Variants in FXR2 observed in about 807,000 individuals in gnomAD.
FXR2 encodes the protein RNA-binding protein FXR2.
In FXR2, 9 loss-of-function variants were observed where a neutral mutation model predicts 87.3. That is an observed-to-expected ratio of 0.10 (90% CI 0.06 to 0.18). The LOEUF (loss-of-function observed/expected upper bound fraction) is 0.18, where lower values mean the gene tolerates loss of function less well. FXR2 is among the 10% of genes least tolerant of loss of function. The pLI, the probability that FXR2 is intolerant of heterozygous loss-of-function variation, is 1.00. For synonymous variants in FXR2, 331 were observed against 328.3 expected, an observed-to-expected ratio of 1.01 and a Z score of -0.09; for missense variants, 661 against 893.6, an observed-to-expected ratio of 0.74 and a Z score of 3.32.
At position 7,591,863 on chromosome 17, in the gene FXR2, C is replaced by T. The variant is rs769123636; in HGVS notation, c.1989G>A (p.Leu663=). 3.1e-6 allele frequency: 5 copies of T among 1,603,414 alleles called. No individual in the cohort carries two copies. In the South Asian group the frequency reaches 5.5e-5, roughly 18 times the overall value. Residue 663 remains leucine, a synonymous_variant, in exon 17 of 17, where the codon TTG becomes TTA. Transcript: ENST00000250113. This position sits in a 1 kb window ranked among gnomAD's most constrained non-coding sequence, Gnocchi z 4.0. ...PSENGELSAP[L]ELGSMVNGVS ...CCCCATTCACCATACTACCCAACTCCAAGGGGGCGGAGAGCTCCCCATTCT... is the reference window on the plus strand; with the variant it reads ...CCCCATTCACCATACTACCCAACTCTAAGGGGGCGGAGAGCTCCCCATTCT...
chr17:7,604,169 C>A, intron 3 of FXR2, 89 bp from the exon 4 acceptor site: 2 of 965,274 alleles, frequency 2.1e-6, no homozygotes, highest in South Asian at 2.8e-5. Flanking sequence ...GTGGGGCTCA[C>A]ACCTGTAATC....
chr17:7,604,237 G>A (rs2071783396), intron 3 of FXR2, among the ~76,000 whole-genome samples, 157 bp from the exon 4 acceptor site: 1 of 152,072 alleles, frequency 6.6e-6, no homozygotes, highest in African/African-American at 2.4e-5. Context: ...TTCAAGACCA[G>A]CTTGGGCAAC....
In FXR2 at chr17:7,593,642, T is replaced by C; in HGVS notation, c.1108-17A>G. On this transcript the variant is annotated splice_polypyrimidine_tract_variant and intron_variant, in intron 11 of 16. Transcript: ENST00000250113. This position sits in a 1 kb window ranked among gnomAD's most constrained non-coding sequence, Gnocchi z 6.1. ...CTCTACCTCCTGGTTGGGTAAAAGA[T>C]GGAAGAAGGGGAAGGAGAAATAAGA... 6.6e-7 allele frequency: 1 copy of C among 1,520,970 alleles called. No homozygotes were observed. Among genetic ancestry groups the C allele is most frequent in the Non-Finnish European group, 9.0e-7 (1 of 1,116,360 alleles). 94.2% of individuals were successfully genotyped at this position (1,520,970 alleles called of 1,614,324 possible).
chr17:7,605,528 T>C (rs1442406252), intron 3 of FXR2, 117 bp downstream of exon 3: 16 of 616,580 alleles, frequency 2.6e-5, no homozygotes, highest in Non-Finnish European at 4.1e-5. Context: ...TACATTTCCA[T>C]AGGCTACATG....
Position 7,609,930 on chromosome 17 carries a change from GTA to G in FXR2, c.82-3783_82-3782del, listed in dbSNP as rs1162446541. ...TATATATGTATATATACATGTATAT[GTA>G]TATATATACATGTATATGTATACAT... On this transcript the variant is annotated intron_variant, in intron 1 of 16. Transcript: ENST00000250113. 5.7e-4 allele frequency among the ~76,000 whole-genome samples: 45 copies of G among 78,858 alleles called. 1 individual carries two copies. The highest frequency in any genetic ancestry group is 1.9e-3 in the East Asian group (4 of 2,140). 51.7% of individuals were successfully genotyped at this position (78,858 alleles called of 152,430 possible). A position where few individuals can be genotyped will look rare whatever the true frequency, so the allele number is the denominator to read the frequency against.
At chr17:7,609,921 C>CATGTAT (rs1186706479) in intron 1 of FXR2, among the ~76,000 whole-genome samples, 67 of 130,524 alleles carry the variant, frequency 5.1e-4, no homozygotes, top group Admixed American at 3.4e-3. Context: ...TGTATATATA[C>CATGTAT]ATGTATATGT....
Position 7,595,814 on chromosome 17 carries a change from C to T in FXR2, c.831+10G>A. On this transcript the variant is annotated intron_variant, in intron 8 of 16. Coordinates refer to ENST00000250113, the MANE Select transcript of FXR2 (RefSeq NM_004860.4). This position sits in a 1 kb window ranked among gnomAD's most constrained non-coding sequence, Gnocchi z 4.7. ...CTAAGAGACCCAGAAGAAAGACATCCTTTGCTGACCTCCCCATAGATGCGG... is the reference window on the plus strand; with the variant it reads ...CTAAGAGACCCAGAAGAAAGACATCTTTTGCTGACCTCCCCATAGATGCGG... 1 of 1,610,634 alleles carries T rather than the reference C, an allele frequency of 6.2e-7. No homozygotes were observed. Among genetic ancestry groups the T allele is most frequent in the Non-Finnish European group, 8.5e-7 (1 of 1,177,218 alleles).
chr17:7,614,182 G>C (rs886461066), intron 1 of FXR2: 12 of 663,034 alleles, frequency 1.8e-5, no homozygotes, highest in African/African-American at 3.5e-5. Flanking sequence ...TGCGGAGCGG[G>C]GAGCGCCAAG....
In FXR2 at chr17:7,594,760, A is replaced by G. The variant is rs1468867108; in HGVS notation, c.832-3T>C. The G allele has an allele frequency of 2.5e-6, 4 of 1,599,142 alleles. No individual in the cohort carries two copies. Among genetic ancestry groups the G allele is most frequent in the Non-Finnish European group, 3.4e-6 (4 of 1,166,514 alleles). ...GCCTGTCGGCAAGCCTCGGGAGTCT[A>G]AAGGAAGAACAGCAGGGAGTTGTTA... is the stretch of plus-strand genomic sequence containing the variant. On this transcript the variant is annotated splice_polypyrimidine_tract_variant and splice_region_variant and intron_variant, in intron 8 of 16. Transcript: ENST00000250113. This position sits in a 1 kb window ranked among gnomAD's most constrained non-coding sequence, Gnocchi z 5.1.
intron 6 of FXR2, 174 bp downstream of exon 6, chr17:7,602,735 A>G: frequency 1.9e-6 from 1 of 537,270 alleles, no homozygotes; most frequent in Non-Finnish European, 3.3e-6. Flanking sequence ...GTCTCAAAAA[A>G]AAGAAAAAAA....
Position 7,595,427 on chromosome 17 carries a change from C to T in FXR2, c.831+397G>A, listed in dbSNP as rs146594264. ...CCAAGTAGCCAAGTAGCTGGGGCCACAGATGCATGCCACCACGCTCAGTTA... is the reference window on the plus strand; with the variant it reads ...CCAAGTAGCCAAGTAGCTGGGGCCATAGATGCATGCCACCACGCTCAGTTA... On this transcript the variant is annotated intron_variant, in intron 8 of 16. Transcript: ENST00000250113. This position sits in a 1 kb window ranked among gnomAD's most constrained non-coding sequence, Gnocchi z 4.7. Among the ~76,000 whole-genome samples, 326 of 152,102 alleles carry T rather than the reference C, an allele frequency of 2.1e-3. No individual in the cohort carries two copies. The highest frequency in any genetic ancestry group is 7.4e-3 in the African/African-American group (306 of 41,498).
Position 7,592,595 on chromosome 17 carries a change from A to C in FXR2, c.1734T>G (p.Asp578Glu), listed in dbSNP as rs1026231126. The change falls in exon 15 of 17, where the codon GAT (aspartate) becomes GAG (glutamate). Residue 578 changes from aspartate to glutamate, a missense_variant. Asp to Glu is a conservative substitution (Grantham distance 45, BLOSUM62 2). Coordinates refer to ENST00000250113, the MANE Select transcript of FXR2 (RefSeq NM_004860.4). The surrounding 1 kb of genome is among the most constrained non-coding windows in gnomAD (Gnocchi z 4.8). Reference sequence around the variant, plus strand: ...GATTACGACGTTGAGGTCTTGATTCATCTTCTGTAGGGTAGGAAAAAACCA... The same window carrying C: ...GATTACGACGTTGAGGTCTTGATTCCTCTTCTGTAGGGTAGGAAAAAACCA... ...GPNMTENGLEDESRPQRRNRS... is the reference protein window; with the variant it reads ...GPNMTENGLEEESRPQRRNRS... 1 of 1,612,484 alleles carries C rather than the reference A, an allele frequency of 6.2e-7. No homozygotes were observed. The highest frequency in any genetic ancestry group is 8.5e-7 in the Non-Finnish European group (1 of 1,179,424).
chr17:7,603,345 T>C (rs1597877105), intron 5 of FXR2, among the ~76,000 whole-genome samples: 1 of 151,516 alleles, frequency 6.6e-6, no homozygotes, highest in African/African-American at 2.4e-5. Context: ...CTGACCAACA[T>C]GGAGAAACCC....
At chr17:7,613,647 T>C (rs1384697813) in intron 1 of FXR2, among the ~76,000 whole-genome samples, 1 of 152,218 alleles carries the variant, frequency 6.6e-6, no homozygotes, top group Non-Finnish European at 1.5e-5. Context: ...ATAAGCTTCC[T>C]TTCAGAGATC....
chr17:7,614,221 T>C (rs1436960369), intron 1 of FXR2: 5 of 684,672 alleles, frequency 7.3e-6, no homozygotes, highest in Non-Finnish European at 1.3e-5. Flanking sequence ...TGAAGTTCAT[T>C]CTCCCGGAGA....
At chr17:7,609,931 T>TATATATATATACATGTATATGTATAC (rs2071837695) in intron 1 of FXR2, among the ~76,000 whole-genome samples, 1 of 86,880 alleles carries the variant, frequency 1.2e-5, no homozygotes, top group East Asian at 3.7e-4. Flanking sequence ...CATGTATATG[T>TATATATATATACATGTATATGTATAC]ATATATATAC....
In FXR2 at chr17:7,592,020, T is replaced by A. The variant is rs2071666112; in HGVS notation, c.1927-95A>T. ...CCCTACCATCCAAGCCCTCCTGGCA[T>A]TTGGTGATCCAGAGGTTGGTTCCCT... On this transcript the variant is annotated intron_variant, in intron 16 of 16. Coordinates refer to ENST00000250113, the MANE Select transcript of FXR2 (RefSeq NM_004860.4). This position sits in a 1 kb window ranked among gnomAD's most constrained non-coding sequence, Gnocchi z 4.8. 1 of 1,213,520 alleles carries A rather than the reference T, an allele frequency of 8.2e-7. No individual in the cohort carries two copies. Among genetic ancestry groups the A allele is most frequent in the Non-Finnish European group, 1.1e-6 (1 of 871,642 alleles). The allele number at this position is 1,213,520 out of a possible 1,614,324, so 75.2% of individuals were successfully genotyped here. A position where few individuals can be genotyped will look rare whatever the true frequency, so the allele number is the denominator to read the frequency against.
chr17:7,606,351 A>G (rs908107538), intron 1 of FXR2, among the ~76,000 whole-genome samples: 3 of 152,134 alleles, frequency 2.0e-5, no homozygotes, highest in African/African-American at 7.2e-5. Flanking sequence ...ATTGTCATGG[A>G]GAGGTGTATG....
intron 7 of FXR2, among the ~76,000 whole-genome samples, chr17:7,599,631 T>C (rs1271854566): frequency 6.6e-6 from 1 of 152,028 alleles, no homozygotes; most frequent in East Asian, 1.9e-4. Context: ...AATCCCAACA[T>C]TTTGGGAGGT....
Sources: allele counts gnomAD v4.1 joint callset (sites outside exome capture counted in the v4.1 genomes callset), GRCh38; gene constraint gnomAD v4.1.1; non-coding constraint Gnocchi (gnomAD v3.1); transcripts MANE v1.5; gene names NCBI Gene and HGNC (gene_info 2026-07-23, HGNC 2026-07-21).